FHL1: variants seen among roughly 807,000 people sequenced by gnomAD.
FHL1 encodes four and a half LIM domains 1, also known as four and a half LIM domains protein 1.
FHL1 carries 1 observed loss-of-function variant against 20.3 expected under a neutral mutation model. The observed-to-expected ratio is 0.05, with a 90% CI of 0.02 to 0.23. The LOEUF (loss-of-function observed/expected upper bound fraction) is 0.23, where lower values mean the gene tolerates loss of function less well. Among genes scored for constraint, FHL1 ranks in the 10% least tolerant of loss-of-function variants. The probability of loss-of-function intolerance (pLI) is 1.00; values close to 1 mark genes in which losing one functional copy is unlikely to be tolerated. For missense variants in FHL1, 177 were observed against 234.0 expected, an observed-to-expected ratio of 0.76 and a Z score of 1.59; for synonymous variants, 82 against 88.9, an observed-to-expected ratio of 0.92 and a Z score of 0.44.
At chrX:136,165,773 G>T (rs2072694052), upstream of FHL1, among the ~76,000 whole-genome samples, 1 of 112,280 alleles carries the variant, frequency 8.9e-6, no homozygotes, top group African/African-American at 3.2e-5. Context: ...AAGCTTGGTT[G>T]TCAGTAGTGA....
chrX:136,209,145 C>T (rs2073937062), intron 5 of FHL1: 6 of 828,191 alleles, frequency 7.2e-6, no homozygotes, highest in Non-Finnish European at 1.0e-5. Context: ...CTCGCGGCCG[C>T]GATCCACGTG....
chrX:136,153,241 C>G (rs888487739), intron 1 of FHL1, among the ~76,000 whole-genome samples: 1 of 98,623 alleles, frequency 1.0e-5, no homozygotes, highest in Non-Finnish European at 2.0e-5. Flanking sequence ...AAAAACAGCC[C>G]AATCACAATC....
chrX:136,194,626 G>A (rs2073511660), upstream of FHL1, among the ~76,000 whole-genome samples: 1 of 111,558 alleles, frequency 9.0e-6, no homozygotes, highest in Non-Finnish European at 1.9e-5. Context: ...ATAAAGGTGC[G>A]TTGTAAACAG....
chrX:136,170,623 C>T (rs1026389880), intron 2 of FHL1, among the ~76,000 whole-genome samples: 1 of 111,238 alleles, frequency 9.0e-6, no homozygotes, highest in African/African-American at 3.3e-5. Flanking sequence ...TGTGATGACT[C>T]AGGGTTCCTC....
At chrX:136,177,987 C>T (rs1244066927) in intron 2 of FHL1, among the ~76,000 whole-genome samples, 1 of 111,777 alleles carries the variant, frequency 8.9e-6, no homozygotes, top group Non-Finnish European at 1.9e-5. Context: ...TAACCGTGGA[C>T]GTAGAATATT....
upstream of FHL1, chrX:136,196,757 G>C (rs777062465): frequency 9.0e-7 from 1 of 1,115,635 alleles, no homozygotes; most frequent in Non-Finnish European, 1.2e-6. Flanking sequence ...TTGGCTCAGC[G>C]TTAAGCTATG....
intron 2 of FHL1, among the ~76,000 whole-genome samples, chrX:136,189,630 A>G (rs1335358426): frequency 8.9e-6 from 1 of 112,078 alleles, no homozygotes; most frequent in Admixed American, 9.5e-5. Flanking sequence ...GCAAATATTT[A>G]CTGCTGTATT....
chrX:136,147,404 C>T (rs1481256214), upstream of FHL1: 2 of 102,018 alleles, frequency 2.0e-5, no homozygotes, highest in African/African-American at 3.5e-5. Context: ...CCCCGCCCCG[C>T]CCCTGGCTAG....
At chrX:136,171,525 A>G (rs1000802305) in intron 2 of FHL1, among the ~76,000 whole-genome samples, 22 of 112,604 alleles carry the variant, frequency 2.0e-4, no homozygotes, top group African/African-American at 7.1e-4. Flanking sequence ...AAGGAGATAC[A>G]AAGACATCCT....
intron 1 of FHL1, among the ~76,000 whole-genome samples, chrX:136,164,408 T>C (rs1222069144): frequency 9.0e-6 from 1 of 110,593 alleles, no homozygotes; most frequent in Non-Finnish European, 1.9e-5. Flanking sequence ...GGCTTCACCA[T>C]GTTGGCCAGG....
At chrX:136,183,883 T>G (rs749327804) in intron 2 of FHL1, among the ~76,000 whole-genome samples, 2 of 111,772 alleles carry the variant, frequency 1.8e-5, no homozygotes, top group East Asian at 5.6e-4. Flanking sequence ...CTCTTTAATG[T>G]CTCAGTTTAT....
At chrX:136,171,578 A>G (rs1220632315) in intron 2 of FHL1, among the ~76,000 whole-genome samples, 1 of 112,869 alleles carries the variant, frequency 8.9e-6, no homozygotes, top group Non-Finnish European at 1.9e-5. Context: ...CTGACTATGC[A>G]TATGCATTGT....
rs528249882 is a variant in FHL1, at chrX:136,172,846, C to A, written c.-27+2866C>A. Among the ~76,000 whole-genome samples the A allele has an allele frequency of 2.7e-5, 3 of 112,320 alleles. No individual in the cohort carries two copies. The Admixed American group carries it at 2.8e-4, about 11-fold the overall frequency. ...CTCCCAGGTTCAAGCGATTCTCCTGCCTCAGCCTCCCAAGTAGCTGGGATT... is the reference window on the plus strand; with the variant it reads ...CTCCCAGGTTCAAGCGATTCTCCTGACTCAGCCTCCCAAGTAGCTGGGATT... On this transcript the variant is annotated intron_variant, in intron 2 of 6. Transcript: ENST00000394153.
upstream of FHL1, chrX:136,169,166 A>T (rs2072790120): frequency 8.8e-6 from 1 of 113,725 alleles, no homozygotes; most frequent in South Asian, 3.6e-4. Context: ...GTCCTTTCTG[A>T]ATAAAGGTCG....
At chrX:136,160,006 TACTC>T (rs778184190) in intron 1 of FHL1, among the ~76,000 whole-genome samples, 6 of 112,587 alleles carry the variant, frequency 5.3e-5, no homozygotes, top group Non-Finnish European at 1.1e-4. Context: ...TCCATGCACT[TACTC>T]AGTATGGCCA....
At chrX:136,193,379 A>C (rs2073479470), upstream of FHL1, among the ~76,000 whole-genome samples, 1 of 111,990 alleles carries the variant, frequency 8.9e-6, no homozygotes, top group Middle Eastern at 4.2e-3. Context: ...TGATCCTCCC[A>C]GTGGTGTTTC....
At chrX:136,154,760 G>T (rs1016798808) in intron 1 of FHL1, among the ~76,000 whole-genome samples, 7 of 108,285 alleles carry the variant, frequency 6.5e-5, no homozygotes, top group Non-Finnish European at 1.3e-4. Flanking sequence ...AGGCTGGAGT[G>T]CAGTGGCGCT....
chrX:136,171,740 AC>A, intron 2 of FHL1, among the ~76,000 whole-genome samples: 1 of 112,423 alleles, frequency 8.9e-6, no homozygotes, highest in East Asian at 2.8e-4. Flanking sequence ...GTTTTATGAT[AC>A]CAAGCACACC....
intron 1 of FHL1, chrX:136,206,202 C>T (rs1603270256): frequency 1.9e-5 from 9 of 482,930 alleles, no homozygotes; most frequent in South Asian, 8.9e-5. Context: ...CATCTGGCCC[C>T]GCGGGGTGCT....
Sources: gnomAD v4.1 joint callset for allele counts (sites outside exome capture counted in the v4.1 genomes callset) on GRCh38, gnomAD v4.1.1 for gene constraint, MANE v1.5 for transcripts, NCBI Gene and HGNC (gene_info 2026-07-23, HGNC 2026-07-21) for gene names.